The following DNAH9 variants were observed in gnomAD, a reference collection of about 807,000 sequenced individuals.
DNAH9 encodes the protein dynein axonemal heavy chain 9, also known as DNAH9 variant protein.
A neutral mutation model predicts 471.6 loss-of-function variants in DNAH9; 345 were observed. The ratio of observed to expected loss-of-function variants is 0.73; its 90% confidence interval spans 0.67 to 0.80. The LOEUF is 0.80. DNAH9 is among the 30% of genes least tolerant of loss of function. The probability of loss-of-function intolerance (pLI) is 0.00; values close to 1 mark genes in which losing one functional copy is unlikely to be tolerated. For synonymous variants in DNAH9, 2,093 were observed against 2,123.6 expected, an observed-to-expected ratio of 0.99 and a Z score of 0.40; for missense variants, 5,407 against 5,609.2, an observed-to-expected ratio of 0.96 and a Z score of 1.15.
In DNAH9 at chr17:11,769,704, CAT is replaced by C. The variant is rs370032285; in HGVS notation, c.7552+378_7552+379del. Among the ~76,000 whole-genome samples, 48 of 152,322 alleles carry C rather than the reference CAT, an allele frequency of 3.2e-4. No homozygotes were observed. The East Asian group carries it at 7.5e-3, about 24-fold the overall frequency. ...TCTAGAGATCATTTAATTCATCTCT[CAT>C]ATGTTATGGGTGGGGAAACTGAGGC... On this transcript the variant is annotated intron_variant, in intron 38 of 68. Transcript: ENST00000262442.
intron 50 of DNAH9, among the ~76,000 whole-genome samples, chr17:11,858,478 T>C (rs1021048921): frequency 3.3e-5 from 5 of 152,228 alleles, no homozygotes; most frequent in African/African-American, 4.8e-5. Context: ...ATGTCATTAA[T>C]TGACCCTAGA....
At chr17:11,732,751 C>T (rs1215842805) in intron 28 of DNAH9, among the ~76,000 whole-genome samples, 1 of 152,188 alleles carries the variant, frequency 6.6e-6, no homozygotes, top group Non-Finnish European at 1.5e-5. Flanking sequence ...TTTGGGTTAT[C>T]TGCGCCCGGG....
intron 10 of DNAH9, among the ~76,000 whole-genome samples, chr17:11,642,606 T>C (rs2073298213): frequency 6.6e-6 from 1 of 152,192 alleles, no homozygotes. Flanking sequence ...ATTGAAAATG[T>C]TTTAGATTCC....
chr17:11,770,279 C>T (rs1469425550), intron 38 of DNAH9, among the ~76,000 whole-genome samples: 1 of 152,236 alleles, frequency 6.6e-6, no homozygotes, highest in Non-Finnish European at 1.5e-5. Context: ...CTGCCATGAC[C>T]ATTTTACCCA....
Position 11,807,787 on chromosome 17 carries a change from G to A in DNAH9, c.8476G>A (p.Val2826Ile). Residue 2826 changes from valine to isoleucine, a missense_variant, in exon 44 of 69, where the codon GTA becomes ATA. Val to Ile is a conservative substitution (Grantham distance 29). Coordinates refer to ENST00000262442, the MANE Select transcript of DNAH9 (RefSeq NM_001372.4). ...GCGGGGAAATGCTCTGCTGGTTGGTGTAGGTGGGAGCGGCAAGCAGAGCCT... is the reference window on the plus strand; with the variant it reads ...GCGGGGAAATGCTCTGCTGGTTGGTATAGGTGGGAGCGGCAAGCAGAGCCT... ...SPRGNALLVG[V>I]GGSGKQSLTR... is the part of the protein sequence containing the mutation. The A allele has an allele frequency of 6.2e-7, 1 of 1,614,104 alleles. No individual in the cohort carries two copies. Among genetic ancestry groups the A allele is most frequent in the Non-Finnish European group, 8.5e-7 (1 of 1,179,950 alleles).
chr17:11,744,083 C>T (rs1213940676), intron 30 of DNAH9, among the ~76,000 whole-genome samples: 1 of 152,170 alleles, frequency 6.6e-6, no homozygotes, highest in African/African-American at 2.4e-5. Context: ...CTGCCTCGGC[C>T]TCCCAAATTG....
intron 67 of DNAH9, chr17:11,954,118 G>T (rs774380654): frequency 6.8e-6 from 1 of 146,752 alleles, no homozygotes; most frequent in Non-Finnish European, 1.5e-5. Context: ...ATATCAAGTG[G>T]TCTAACATAC....
rs745361860 is a variant in DNAH9 at position 11,744,896 on chromosome 17, A to T, written c.6211A>T (p.Met2071Leu). The change falls in exon 31 of 69, where the codon ATG becomes TTG. Residue 2071 changes from methionine (M) to leucine (L), a missense_variant. Physicochemically the swap from Met to Leu is conservative, Grantham distance 15. Around this residue, in one of 3 missense-constraint regions of DNAH9, gnomAD observed 4,636 missense variants for 4,900.3 expected, o/e 0.95. Transcript: ENST00000262442. ...TGACCGGCCTGAGGACCAGGTCCTG[A>T]TGCGCTCCTTGCGGGATTTCAACAT... ...DPDRPEDQVLMRSLRDFNIPK... is the reference protein window; with the variant it reads ...DPDRPEDQVLLRSLRDFNIPK... The T allele has an allele frequency of 4.3e-6, 7 of 1,614,122 alleles. No homozygotes were observed. The highest frequency in any genetic ancestry group is 5.9e-6 in the Non-Finnish European group (7 of 1,180,024).
intron 68 of DNAH9, among the ~76,000 whole-genome samples, chr17:11,964,921 C>T (rs77139494): frequency 0.011 from 1,638 of 152,164 alleles, 32 homozygotes; most frequent in African/African-American, 0.038. Context: ...AAGTCTTTAT[C>T]TCACCTGAGT....
chr17:11,872,926 C>A (rs912088340), intron 52 of DNAH9, among the ~76,000 whole-genome samples: 33 of 152,234 alleles, frequency 2.2e-4, no homozygotes, highest in African/African-American at 6.0e-4. Context: ...TCTCAAAAAA[C>A]AAACAAACAA....
In DNAH9 at chr17:11,894,514, G is replaced by GA; in HGVS notation, c.11406+24dup. On this transcript the variant is annotated intron_variant, in intron 59 of 68. Coordinates refer to ENST00000262442, the MANE Select transcript of DNAH9 (RefSeq NM_001372.4). Reference sequence around the variant, plus strand: ...CTGTCAAGGTCAGTATTGACCCCTAGAAAAAAGCCAAGCTCTCATCTCTCA... The same window carrying GA: ...CTGTCAAGGTCAGTATTGACCCCTAGAAAAAAAGCCAAGCTCTCATCTCTCA... The GA allele has an allele frequency of 6.2e-7, 1 of 1,605,490 alleles. No homozygotes were observed. Among genetic ancestry groups the GA allele is most frequent in the Non-Finnish European group, 8.5e-7 (1 of 1,174,056 alleles).
chr17:11,614,685 C>T (rs1169825851), intron 4 of DNAH9, among the ~76,000 whole-genome samples: 4 of 152,168 alleles, frequency 2.6e-5, no homozygotes, highest in East Asian at 1.9e-4. Context: ...GTTGGGTGTC[C>T]GGTGAGGGCC....
In DNAH9 at chr17:11,769,300, A is replaced by G; in HGVS notation, c.7523A>G (p.Asn2508Ser). 6.2e-7 allele frequency: 1 copy of G among 1,613,770 alleles called. No homozygotes were observed. The highest frequency in any genetic ancestry group is 8.5e-7 in the Non-Finnish European group (1 of 1,179,894). Residue 2508 changes from asparagine (N) to serine (S), a missense_variant, in exon 38 of 69, where the codon AAC becomes AGC. By Grantham distance (46) the Asn-to-Ser change is conservative. Coordinates refer to ENST00000262442, the MANE Select transcript of DNAH9 (RefSeq NM_001372.4). ...TACCTGGTGAAAAACGTGCCATTCAACTACTACACCACGTCAGCAATGCTG... is the reference window on the plus strand; with the variant it reads ...TACCTGGTGAAAAACGTGCCATTCAGCTACTACACCACGTCAGCAATGCTG... ...EAYLVKNVPF[N>S]YYTTSAMLQA... is the part of the protein sequence containing the mutation.
At chr17:11,742,946 T>C (rs1157802335) in intron 30 of DNAH9, among the ~76,000 whole-genome samples, 1 of 152,184 alleles carries the variant, frequency 6.6e-6, no homozygotes, top group Non-Finnish European at 1.5e-5. Context: ...AAATCCTGTT[T>C]TCCTCATACT....
chr17:11,742,416 C>A, intron 30 of DNAH9, 103 bp downstream of exon 30: 2 of 1,180,978 alleles, frequency 1.7e-6, no homozygotes, highest in Non-Finnish European at 2.4e-6. Flanking sequence ...CAAGCTTTCT[C>A]ATAGAAAGTC....
At chr17:11,915,210 CA>C (rs1411709035) in intron 61 of DNAH9, among the ~76,000 whole-genome samples, 4 of 152,142 alleles carry the variant, frequency 2.6e-5, no homozygotes, top group African/African-American at 9.7e-5. Context: ...GTGATTGTAT[CA>C]CTCTTCTACT....
chr17:11,901,279 G>A (rs1445394131), intron 59 of DNAH9, among the ~76,000 whole-genome samples: 1 of 152,168 alleles, frequency 6.6e-6, no homozygotes, highest in Non-Finnish European at 1.5e-5. Context: ...ATCTAAAAAC[G>A]AAGTCAAGCT....
chr17:11,799,846 A>G (rs996218765), intron 43 of DNAH9, among the ~76,000 whole-genome samples: 3 of 152,178 alleles, frequency 2.0e-5, no homozygotes, highest in African/African-American at 7.2e-5. Flanking sequence ...TGGACTCCCA[A>G]AGTGCTGGGA....
intron 54 of DNAH9, among the ~76,000 whole-genome samples, chr17:11,880,600 C>T (rs1972680716): frequency 1.3e-5 from 2 of 152,032 alleles, no homozygotes. Flanking sequence ...TGAGTGCTGG[C>T]TCATGATGAG....
Sources: gnomAD v4.1 joint callset for allele counts (sites outside exome capture counted in the v4.1 genomes callset) on GRCh38, gnomAD v4.1.1 for gene constraint, gnomAD v4.1.1 regional missense constraint, MANE v1.5 for transcripts, NCBI Gene and HGNC (gene_info 2026-07-23, HGNC 2026-07-21) for gene names.